GSDMC: variants seen among roughly 807,000 people sequenced by gnomAD.
GSDMC encodes the protein gasdermin C.
A neutral mutation model predicts 58.0 loss-of-function variants in GSDMC; 59 were observed. The ratio of observed to expected loss-of-function variants is 1.02; its 90% CI spans 0.82 to 1.26. The LOEUF (loss-of-function observed/expected upper bound fraction) is 1.26, where lower values mean the gene tolerates loss of function less well. Among genes scored for constraint, GSDMC ranks in the 50% most tolerant of loss-of-function variants. The pLI is 0.00. For synonymous variants in GSDMC, 241 were observed against 220.2 expected, an observed-to-expected ratio of 1.09 and a Z score of -0.83; for missense variants, 659 against 598.5, an observed-to-expected ratio of 1.10 and a Z score of -1.06.
the GSDMC span, chr8:129,707,044 T>C: frequency 4.6e-5 from 7 of 152,360 alleles, no homozygotes; most frequent in Admixed American, 3.3e-4. Flanking sequence ...CCAGCCATCA[T>C]TACCTGTCAC....
chr8:129,764,206 C>T (rs148943927), intron 4 of GSDMC, among the ~76,000 whole-genome samples: 22 of 151,694 alleles, frequency 1.5e-4, no homozygotes, highest in South Asian at 2.1e-4. Flanking sequence ...GTTTTGTTAA[C>T]GAGTGAAGCA....
At chr8:129,778,151 G>A (rs1322019761) in intron 1 of GSDMC, among the ~76,000 whole-genome samples, 3 of 152,160 alleles carry the variant, frequency 2.0e-5, no homozygotes, top group Non-Finnish European at 4.4e-5. Flanking sequence ...ACTGAGAAGT[G>A]ACATTTGAAC....
At chr8:129,728,186 A>G in the GSDMC span, among the ~76,000 whole-genome samples, 4 of 151,774 alleles carry the variant, frequency 2.6e-5, no homozygotes, top group African/African-American at 9.7e-5. Flanking sequence ...GAGTCTCCTC[A>G]CCCCTCTTGT....
At chr8:129,710,534 C>T in the GSDMC span, among the ~76,000 whole-genome samples, 2 of 152,094 alleles carry the variant, frequency 1.3e-5, no homozygotes, top group Non-Finnish European at 2.9e-5. Flanking sequence ...AATGTGAGTT[C>T]CTGATTCGAT....
chr8:129,784,015 G>T (rs1563819577), intron 1 of GSDMC, among the ~76,000 whole-genome samples: 2 of 152,148 alleles, frequency 1.3e-5, no homozygotes, highest in Admixed American at 6.5e-5. Context: ...TCAATAAATG[G>T]TGCTGGGAAA....
intron 2 of GSDMC, among the ~76,000 whole-genome samples, chr8:129,776,765 T>C (rs1248265085): frequency 6.6e-6 from 1 of 151,982 alleles, no homozygotes; most frequent in African/African-American, 2.4e-5. Context: ...GTTGTTTTTG[T>C]TGTTGTTGTT....
the GSDMC span, among the ~76,000 whole-genome samples, chr8:129,732,894 T>C: frequency 6.6e-6 from 1 of 152,176 alleles, no homozygotes; most frequent in African/African-American, 2.4e-5. Context: ...TCACGGGATT[T>C]CCCTTTCCTA....
At chr8:129,775,884 A>G (rs914997861) in intron 3 of GSDMC, among the ~76,000 whole-genome samples, 1 of 152,152 alleles carries the variant, frequency 6.6e-6, no homozygotes, top group Non-Finnish European at 1.5e-5. Flanking sequence ...ACAACATAGT[A>G]GTGGGTAGTT....
At chr8:129,776,822 G>A (rs2034245161) in intron 2 of GSDMC, among the ~76,000 whole-genome samples, 1 of 152,084 alleles carries the variant, frequency 6.6e-6, no homozygotes, top group Admixed American at 6.5e-5. Context: ...GTGCATTGGT[G>A]CAATCCCAGC....
chr8:129,777,711 T>C, intron 1 of GSDMC, 120 bp from the exon 2 acceptor site: 1 of 656,164 alleles, frequency 1.5e-6, no homozygotes, highest in East Asian at 2.6e-5. Context: ...AGGTCTTTAC[T>C]TAAAATAGTG....
chr8:129,765,995 G>A lies in GSDMC; in HGVS notation c.405-202C>T, dbSNP rs576818279. Among the ~76,000 whole-genome samples the A allele has an allele frequency of 2.6e-5, 4 of 152,254 alleles. No homozygotes were observed. In the East Asian group the frequency reaches 5.8e-4, roughly 22 times the overall value. ...GGAGATCCCAATGATGGTGGTTCGG[G>A]TGTGAGAGTATATGTACCATATTGT... is the stretch of plus-strand genomic sequence containing the variant. On this transcript the variant is annotated intron_variant, in intron 3 of 13. Coordinates refer to ENST00000276708, the MANE Select transcript of GSDMC (RefSeq NM_031415.3).
chr8:129,709,590 TGATA>T, the GSDMC span, among the ~76,000 whole-genome samples: 20,459 of 145,874 alleles, frequency 0.14, 1,354 homozygotes, highest in Admixed American at 0.18. Context: ...GATAGATAGA[TGATA>T]GATAGATAGA....
chr8:129,785,328 C>T (rs944908977), intron 1 of GSDMC, among the ~76,000 whole-genome samples: 3 of 146,982 alleles, frequency 2.0e-5, no homozygotes, highest in Admixed American at 6.8e-5. Flanking sequence ...TTTATGAAAG[C>T]TAAAAATTAA....
At position 129,762,669 on chromosome 8, in the gene GSDMC, C is replaced by A; in HGVS notation, c.633G>T (p.Met211Ile). The A allele has an allele frequency of 6.2e-7, 1 of 1,613,934 alleles. No homozygotes were observed. The highest frequency in any genetic ancestry group is 8.5e-7 in the Non-Finnish European group (1 of 1,179,778). ...GCTGCTTTCTCTTATAAGCCATCAC[C>A]ATGCCTTTCTGAAGAGTCAGCGCCT... is the stretch of plus-strand genomic sequence containing the variant. ...KKKALTLQKG[M>I]VMAYKRKQLV... The change falls in exon 5 of 14, where the codon ATG (methionine) becomes ATT (isoleucine). Residue 211 changes from methionine to isoleucine, a missense_variant. By Grantham distance (10) the Met-to-Ile change is conservative (BLOSUM62 1). Coordinates refer to ENST00000276708, the MANE Select transcript of GSDMC (RefSeq NM_031415.3).
At chr8:129,752,997 T>C in intron 6 of GSDMC, 177 bp from the exon 7 acceptor site, 2 of 1,206,568 alleles carry the variant, frequency 1.7e-6, no homozygotes, top group Non-Finnish European at 2.2e-6. Context: ...AACTCAAGTT[T>C]CTTGGCAAGC....
the GSDMC span, among the ~76,000 whole-genome samples, chr8:129,708,541 T>C: frequency 6.6e-6 from 1 of 152,228 alleles, no homozygotes. Flanking sequence ...GACAACATTC[T>C]TATATTCACC....
At chr8:129,775,385 T>G (rs1356891719) in intron 3 of GSDMC, among the ~76,000 whole-genome samples, 2 of 152,076 alleles carry the variant, frequency 1.3e-5, no homozygotes, top group African/African-American at 4.8e-5. Flanking sequence ...CAAAATAAAA[T>G]GGTGGTTAGC....
rs1209911584 is a variant in GSDMC, at chr8:129,762,694, T to C, written c.608A>G (p.Lys203Arg). ...GQGESLRVKK[K>R]ALTLQKGMVM... Reference sequence around the variant, plus strand: ...CATGCCTTTCTGAAGAGTCAGCGCCTTCTTCTTCACTCTGAGACTCTCTCC... The same window carrying C: ...CATGCCTTTCTGAAGAGTCAGCGCCCTCTTCTTCACTCTGAGACTCTCTCC... The change falls in exon 5 of 14, where the codon AAG becomes AGG. Residue 203 changes from lysine to arginine, a missense_variant. Lys to Arg is a conservative substitution (Grantham distance 26). Coordinates refer to ENST00000276708, the MANE Select transcript of GSDMC (RefSeq NM_031415.3). 2 of 1,613,544 alleles carry C rather than the reference T, an allele frequency of 1.2e-6. No homozygotes were observed. The highest frequency in any genetic ancestry group is 1.7e-6 in the Non-Finnish European group (2 of 1,179,636).
chr8:129,741,584 C>T, the GSDMC span, among the ~76,000 whole-genome samples: 2 of 151,986 alleles, frequency 1.3e-5, no homozygotes, highest in African/African-American at 4.8e-5. Flanking sequence ...TTACAATGAG[C>T]TATCCCCTCA....
Sources: gnomAD v4.1 joint callset for allele counts (sites outside exome capture counted in the v4.1 genomes callset) on GRCh38, gnomAD v4.1.1 for gene constraint, MANE v1.5 for transcripts, NCBI Gene and HGNC (gene_info 2026-07-23, HGNC 2026-07-21) for gene names.